The following ASTN2 variants were observed in gnomAD, a reference collection of about 807,000 sequenced individuals.
ASTN2 encodes the protein astrotactin 2, also known as astrotactin-2.
In ASTN2, 54 loss-of-function variants were observed where a neutral mutation model predicts 139.8. The observed-to-expected ratio is 0.39, with a 90% CI of 0.31 to 0.48. The LOEUF (loss-of-function observed/expected upper bound fraction) is 0.48, where lower values mean the gene tolerates loss of function less well. Among genes scored for constraint, ASTN2 ranks in the 20% least tolerant of loss-of-function variants. The probability of loss-of-function intolerance (pLI) is 0.95; values close to 1 mark genes in which losing one functional copy is unlikely to be tolerated. For missense variants in ASTN2, 1,565 were observed against 1,725.1 expected, an observed-to-expected ratio of 0.91 and a Z score of 1.64; for synonymous variants, 756 against 719.5, an observed-to-expected ratio of 1.05 and a Z score of -0.81.
intron 6 of ASTN2, among the ~76,000 whole-genome samples, chr9:117,014,210 A>T (rs1235771470): frequency 6.6e-6 from 1 of 152,128 alleles, no homozygotes; most frequent in Non-Finnish European, 1.5e-5. Context: ...CGACAGACCC[A>T]AGAAGAATGT....
intron 16 of ASTN2, among the ~76,000 whole-genome samples, chr9:116,665,444 G>A (rs1858804624): frequency 6.6e-6 from 1 of 152,066 alleles, no homozygotes; most frequent in Non-Finnish European, 1.5e-5. Flanking sequence ...CTTACGACTT[G>A]TTTTTGTCTT....
intron 13 of ASTN2, among the ~76,000 whole-genome samples, chr9:116,747,830 C>T (rs1053506132): frequency 6.6e-6 from 1 of 152,152 alleles, no homozygotes; most frequent in African/African-American, 2.4e-5. Flanking sequence ...CCAGTGGCAC[C>T]AAACTCACTT....
chr9:116,863,853 T>C (rs1416488133), intron 10 of ASTN2, 120 bp from the exon 11 acceptor site: 11 of 1,093,224 alleles, frequency 1.0e-5, no homozygotes, highest in East Asian at 7.9e-5. Context: ...AAAACAATAA[T>C]AATCAATATT....
chr9:117,259,885 G>A (rs760335390), intron 2 of ASTN2, among the ~76,000 whole-genome samples: 7 of 152,156 alleles, frequency 4.6e-5, no homozygotes, highest in Non-Finnish European at 8.8e-5. Context: ...CAAGTACTTT[G>A]AGGTTCACAG....
chr9:117,294,856 G>T (rs910876487), intron 1 of ASTN2, among the ~76,000 whole-genome samples: 3 of 151,530 alleles, frequency 2.0e-5, no homozygotes, highest in African/African-American at 4.9e-5. Flanking sequence ...CATTCCTAGC[G>T]CTCTCCTCCC....
chr9:116,940,310 C>T (rs923955213), intron 10 of ASTN2, among the ~76,000 whole-genome samples: 49 of 152,038 alleles, frequency 3.2e-4, no homozygotes, highest in African/African-American at 1.2e-3. Context: ...GTAAAACAGC[C>T]TCAGACAAGT....
chr9:117,386,842 G>A (rs1013881941), intron 1 of ASTN2, among the ~76,000 whole-genome samples: 2 of 152,140 alleles, frequency 1.3e-5, no homozygotes, highest in Non-Finnish European at 2.9e-5. Context: ...TACACCCACA[G>A]AGCTTACTAC....
intron 13 of ASTN2, among the ~76,000 whole-genome samples, chr9:116,778,447 T>A (rs866917296): frequency 2.3e-4 from 35 of 152,278 alleles, no homozygotes; most frequent in Middle Eastern, 3.4e-3. Context: ...AGTGTGCTTA[T>A]TATTTGAGGA....
intron 2 of ASTN2, among the ~76,000 whole-genome samples, chr9:117,254,562 C>T (rs1833630720): frequency 6.6e-6 from 1 of 152,130 alleles, no homozygotes; most frequent in Admixed American, 6.5e-5. Flanking sequence ...TTAGTGTCAA[C>T]TTAAGCAATA....
intron 2 of ASTN2, among the ~76,000 whole-genome samples, chr9:117,228,923 G>A (rs1161355704): frequency 2.6e-5 from 4 of 152,112 alleles, no homozygotes; most frequent in Non-Finnish European, 5.9e-5. Context: ...GAGGATCCTT[G>A]AACCTGGGAG....
At chr9:116,634,387 G>A (rs1307052133) in intron 17 of ASTN2, among the ~76,000 whole-genome samples, 1 of 151,690 alleles carries the variant, frequency 6.6e-6, no homozygotes. Flanking sequence ...TCAGGAGATC[G>A]AGACCATCCT....
At chr9:117,112,847 T>C (rs1164029688) in intron 4 of ASTN2, among the ~76,000 whole-genome samples, 1 of 152,134 alleles carries the variant, frequency 6.6e-6, no homozygotes, top group Non-Finnish European at 1.5e-5. Flanking sequence ...AAAATAACTG[T>C]AATACATATA....
At chr9:116,911,000 C>G (rs1448645587) in intron 10 of ASTN2, among the ~76,000 whole-genome samples, 2 of 152,158 alleles carry the variant, frequency 1.3e-5, no homozygotes, top group Non-Finnish European at 2.9e-5. Flanking sequence ...TGCCTTATAA[C>G]AGGTATTCAA....
At chr9:116,749,829 C>T (rs916805347) in intron 13 of ASTN2, among the ~76,000 whole-genome samples, 9 of 152,116 alleles carry the variant, frequency 5.9e-5, no homozygotes, top group African/African-American at 2.2e-4. Context: ...GCGAGTGTGG[C>T]ACCTCCCCTT....
chr9:116,541,070 A>G (rs1341581551), intron 19 of ASTN2, among the ~76,000 whole-genome samples: 2 of 152,026 alleles, frequency 1.3e-5, no homozygotes. Flanking sequence ...GACATTGAGG[A>G]AAGAAATATG....
chr9:117,173,962 A>G (rs898597086), intron 3 of ASTN2, among the ~76,000 whole-genome samples: 1 of 131,336 alleles, frequency 7.6e-6, no homozygotes, highest in Non-Finnish European at 1.6e-5. Context: ...ACTAAAAAAC[A>G]GAAACCAAAA....
At chr9:117,335,807 C>T (rs547362884) in intron 1 of ASTN2, among the ~76,000 whole-genome samples, 105 of 152,192 alleles carry the variant, frequency 6.9e-4, no homozygotes, top group Non-Finnish European at 1.3e-3. Context: ...TGCTCAAGAT[C>T]ACCCAGCACT....
At position 116,430,636 on chromosome 9, in the gene ASTN2, G is replaced by A. The variant is rs577161479; in HGVS notation, c.3783-4548C>T. ...AGCCTCAGTTTTCTCCTGTGTAAAT[G>A]AAAATAGAAATATTTATTTTGTAGG... On this transcript the variant is annotated intron_variant, in intron 22 of 22. Transcript: ENST00000313400. Among the ~76,000 whole-genome samples the A allele has an allele frequency of 3.3e-5, 5 of 152,312 alleles. No homozygotes were observed. In the South Asian group the frequency reaches 1.0e-3, roughly 32 times the overall value.
intron 5 of ASTN2, among the ~76,000 whole-genome samples, chr9:117,057,241 A>G (rs1180179740): frequency 6.6e-6 from 1 of 152,294 alleles, no homozygotes; most frequent in Non-Finnish European, 1.5e-5. Context: ...TAAGTTATAT[A>G]TCCCTGTGCA....
Sources: allele counts gnomAD v4.1 joint callset (sites outside exome capture counted in the v4.1 genomes callset), GRCh38; gene constraint gnomAD v4.1.1; transcripts MANE v1.5; gene names NCBI Gene and HGNC (gene_info 2026-07-23, HGNC 2026-07-21).